DACH2: variants seen among roughly 807,000 people sequenced by gnomAD.
DACH2 encodes dachshund family transcription factor 2, also known as dachshund homolog 2.
DACH2 carries 17 observed loss-of-function variants against 35.8 expected under a neutral mutation model. The observed-to-expected ratio is 0.48, with a 90% CI of 0.33 to 0.71. DACH2 has a LOEUF of 0.71. DACH2 is among the 30% of genes least tolerant of loss of function. The probability of loss-of-function intolerance (pLI) is 0.02; values close to 1 mark genes in which losing one functional copy is unlikely to be tolerated. For missense variants in DACH2, 469 were observed against 472.7 expected (o/e 0.99, Z 0.07); for synonymous variants, 195 against 177.3 (o/e 1.10, Z -0.79).
intron 2 of DACH2, among the ~76,000 whole-genome samples, chrX:86,436,565 CT>C (rs202102198): frequency 0.07 from 7,760 of 110,679 alleles, 694 homozygotes; most frequent in African/African-American, 0.24. Context: ...GTTTCATTTA[CT>C]TTGATGATAT....
At chrX:86,211,521 G>C (rs2032445774) in intron 1 of DACH2, among the ~76,000 whole-genome samples, 1 of 111,141 alleles carries the variant, frequency 9.0e-6, no homozygotes, top group South Asian at 3.8e-4. Context: ...CTCTGGTATA[G>C]TTCTGTTGGT....
intron 7 of DACH2, among the ~76,000 whole-genome samples, chrX:86,810,890 T>G (rs2042388735): frequency 9.0e-6 from 1 of 111,599 alleles, no homozygotes. Flanking sequence ...TTGTAAGAGT[T>G]TAGCGTTAAT....
At chrX:86,529,788 G>C (rs890380590) in intron 3 of DACH2, among the ~76,000 whole-genome samples, 2 of 110,850 alleles carry the variant, frequency 1.8e-5, no homozygotes, top group Non-Finnish European at 3.8e-5. Flanking sequence ...AACTTTTTTA[G>C]CTCCCTCATA....
At chrX:86,730,599 T>C (rs2041521918) in intron 6 of DACH2, among the ~76,000 whole-genome samples, 1 of 111,987 alleles carries the variant, frequency 8.9e-6, no homozygotes, top group African/African-American at 3.2e-5. Flanking sequence ...TTTCCATTCA[T>C]TGAATCACTA....
chrX:86,790,779 C>T (rs911412178), intron 7 of DACH2, among the ~76,000 whole-genome samples: 15 of 110,967 alleles, frequency 1.4e-4, no homozygotes, highest in African/African-American at 4.9e-4. Flanking sequence ...TGGCTAAAAG[C>T]GATCCTCCTG....
intron 7 of DACH2, among the ~76,000 whole-genome samples, chrX:86,784,170 T>C (rs2042115489): frequency 9.2e-6 from 1 of 108,374 alleles, no homozygotes; most frequent in South Asian, 3.9e-4. Flanking sequence ...AAGGAAACAA[T>C]CTACAAAGTA....
At chrX:86,765,743 A>G (rs1329100610) in intron 7 of DACH2, among the ~76,000 whole-genome samples, 2 of 10,071 alleles carry the variant, frequency 2.0e-4, no homozygotes, top group African/African-American at 4.2e-4. Context: ...TGCTTTGTCT[A>G]TTTGGGCTTT....
intron 1 of DACH2, among the ~76,000 whole-genome samples, chrX:86,234,734 G>A (rs370928144): frequency 1.1e-4 from 12 of 108,590 alleles, no homozygotes; most frequent in Admixed American, 5.0e-4. Context: ...CCACCTCAGC[G>A]TCCTGAATAG....
At chrX:86,525,654 C>G (rs2038621110) in intron 3 of DACH2, among the ~76,000 whole-genome samples, 1 of 111,545 alleles carries the variant, frequency 9.0e-6, no homozygotes, top group Non-Finnish European at 1.9e-5. Flanking sequence ...CTCCACTACT[C>G]TGGCAGTAAT....
At chrX:86,458,382 C>T (rs1349871548) in intron 2 of DACH2, among the ~76,000 whole-genome samples, 1 of 111,696 alleles carries the variant, frequency 9.0e-6, no homozygotes, top group Non-Finnish European at 1.9e-5. Flanking sequence ...GAAATTAAAG[C>T]TGCTTCCCCA....
rs1336665285 is a variant in DACH2 at position 86,398,297 on chromosome X, T to C, written c.527+21435T>C. ...TCTCTCTTTTCTTCTTTATTAGTCT[T>C]GCTAGGGGTCTATCAATTTTGTTGA... On this transcript the variant is annotated intron_variant, in intron 2 of 11. Coordinates refer to ENST00000373125, the MANE Select transcript of DACH2 (RefSeq NM_053281.3). 4.4e-5 allele frequency among the ~76,000 whole-genome samples: 5 copies of C among 112,618 alleles called. No individual in the cohort carries two copies. The East Asian group carries it at 1.4e-3, about 32-fold the overall frequency.
chrX:86,552,885 C>T (rs1054108400), intron 3 of DACH2, among the ~76,000 whole-genome samples: 1 of 110,954 alleles, frequency 9.0e-6, no homozygotes, highest in Non-Finnish European at 1.9e-5. Flanking sequence ...TTATGTAGTA[C>T]ATTTTAATGA....
At chrX:86,645,179 C>T (rs756645494) in intron 3 of DACH2, among the ~76,000 whole-genome samples, 1 of 111,227 alleles carries the variant, frequency 9.0e-6, no homozygotes, top group Non-Finnish European at 1.9e-5. Context: ...TGACAAAATT[C>T]TAATATCCAG....
At chrX:86,321,274 G>A (rs1200556304) in intron 1 of DACH2, among the ~76,000 whole-genome samples, 1 of 111,806 alleles carries the variant, frequency 8.9e-6, no homozygotes, top group Admixed American at 9.5e-5. Flanking sequence ...TTCAACTTGA[G>A]AGTGAGAAAA....
intron 3 of DACH2, among the ~76,000 whole-genome samples, chrX:86,559,864 AGCACACTGATG>A (rs2039182070): frequency 3.2e-5 from 2 of 62,572 alleles, no homozygotes; most frequent in South Asian, 1.7e-3. Context: ...TCCTGAATAC[AGCACACTGATG>A]GGTCTTGATT....
intron 1 of DACH2, among the ~76,000 whole-genome samples, chrX:86,286,068 A>G (rs1375916274): frequency 1.9e-5 from 2 of 106,488 alleles, no homozygotes; most frequent in Admixed American, 1.0e-4. Context: ...TGTTTCTTGT[A>G]GGCAACAAAT....
chrX:86,698,525 T>G (rs2041097896), intron 5 of DACH2, among the ~76,000 whole-genome samples: 1 of 53,628 alleles, frequency 1.9e-5, no homozygotes, highest in East Asian at 6.0e-4. Flanking sequence ...TTTTGTGTTT[T>G]TTTTTTTTTT....
intron 2 of DACH2, among the ~76,000 whole-genome samples, chrX:86,398,367 G>C (rs1365876986): frequency 5.3e-5 from 6 of 112,209 alleles, no homozygotes. Flanking sequence ...TTTTTGAAGG[G>C]TTTTTTTGTG....
intron 1 of DACH2, among the ~76,000 whole-genome samples, chrX:86,157,460 C>A (rs2030586738): frequency 9.0e-6 from 1 of 111,364 alleles, no homozygotes; most frequent in Non-Finnish European, 1.9e-5. Flanking sequence ...TTTATGATTT[C>A]TCAGCTTGCC....
Sources: gnomAD v4.1 joint callset for allele counts (sites outside exome capture counted in the v4.1 genomes callset) on GRCh38, gnomAD v4.1.1 for gene constraint, MANE v1.5 for transcripts, NCBI Gene and HGNC (gene_info 2026-07-23, HGNC 2026-07-21) for gene names.